NRXN3: variants seen among roughly 807,000 people sequenced by gnomAD.
NRXN3 encodes neurexin 3, also known as neurexin III.
A neutral mutation model predicts 137.6 loss-of-function variants in NRXN3; 32 were observed. The observed-to-expected ratio is 0.23, with a 90% confidence interval of 0.18 to 0.31. The LOEUF (loss-of-function observed/expected upper bound fraction) is 0.31, where lower values mean the gene tolerates loss of function less well. Among genes scored for constraint, NRXN3 ranks in the 10% least tolerant of loss-of-function variants. NRXN3 has a pLI of 1.00. For synonymous variants in NRXN3, 798 were observed against 784.5 expected, an observed-to-expected ratio of 1.02 and a Z score of -0.29; for missense variants, 1,574 against 2,062.5, an observed-to-expected ratio of 0.76 and a Z score of 4.59.
intron 15 of NRXN3, among the ~76,000 whole-genome samples, chr14:79,056,441 T>C (rs1035873836): frequency 1.4e-4 from 21 of 152,302 alleles, no homozygotes; most frequent in Admixed American, 1.2e-3. Context: ...GCAAGTTCTA[T>C]AGACTGGGTA....
At chr14:78,325,536 T>C (rs1409910093) in intron 4 of NRXN3, among the ~76,000 whole-genome samples, 1 of 152,176 alleles carries the variant, frequency 6.6e-6, no homozygotes, top group African/African-American at 2.4e-5. Context: ...TTGATAGATG[T>C]TATCTATTAT....
intron 15 of NRXN3, among the ~76,000 whole-genome samples, chr14:79,327,069 C>T (rs61580756): frequency 1.3e-5 from 2 of 152,176 alleles, no homozygotes; most frequent in African/African-American, 4.8e-5. Flanking sequence ...TTCCCACCTT[C>T]TTTCCCTCGC....
chr14:78,780,279 C>T (rs565026904), intron 8 of NRXN3, among the ~76,000 whole-genome samples: 1 of 151,902 alleles, frequency 6.6e-6, no homozygotes, highest in Admixed American at 6.6e-5. Flanking sequence ...AATTAGACTT[C>T]ATTTTATATC....
At chr14:78,767,024 C>T (rs2098711300) in intron 8 of NRXN3, among the ~76,000 whole-genome samples, 1 of 152,180 alleles carries the variant, frequency 6.6e-6, no homozygotes. Flanking sequence ...AGGGACTTAG[C>T]TGCTTAAAAC....
chr14:78,954,735 G>C (rs960148635), intron 10 of NRXN3, among the ~76,000 whole-genome samples: 1 of 150,718 alleles, frequency 6.6e-6, no homozygotes, highest in East Asian at 1.9e-4. Context: ...AAAGTTCTGG[G>C]ATTACAGGCG....
intron 9 of NRXN3, 121 bp downstream of exon 9, chr14:78,803,944 T>C: frequency 1.1e-6 from 1 of 916,484 alleles, no homozygotes; most frequent in Non-Finnish European, 1.7e-6. Flanking sequence ...CACCTCTTGT[T>C]TAACAGACCC....
At chr14:78,302,119 G>T (rs754078408) in intron 4 of NRXN3, among the ~76,000 whole-genome samples, 13 of 152,160 alleles carry the variant, frequency 8.5e-5, no homozygotes, top group Non-Finnish European at 2.9e-5. Flanking sequence ...TTTCTGATGC[G>T]TGTGGCACTG....
At chr14:78,914,895 C>T (rs1189246374) in intron 10 of NRXN3, among the ~76,000 whole-genome samples, 1 of 151,854 alleles carries the variant, frequency 6.6e-6, no homozygotes, top group Non-Finnish European at 1.5e-5. Flanking sequence ...ACAAAACAAG[C>T]AAGCAATAAG....
intron 15 of NRXN3, among the ~76,000 whole-genome samples, chr14:79,424,616 A>G (rs1192920653): frequency 6.6e-6 from 1 of 152,206 alleles, no homozygotes; most frequent in East Asian, 1.9e-4. Context: ...CTGGGAGTTG[A>G]ACTCAAGTTT....
chr14:79,362,643 T>TAC lies in NRXN3; in HGVS notation c.3263-104574_3263-104573dup, dbSNP rs545528583. Among the ~76,000 whole-genome samples the TAC allele has an allele frequency of 4.5e-3, 688 of 152,300 alleles. 2 individuals carry two copies. The highest frequency in any genetic ancestry group is 7.8e-3 in the Non-Finnish European group (532 of 68,026). On this transcript the variant is annotated intron_variant, in intron 15 of 20. Transcript: ENST00000335750. ...AAACATGATTCTTAGAAATGATCTT[T>TAC]ACACAATTGTAAAACAAAGGGAAGA... is the stretch of plus-strand genomic sequence containing the variant.
At chr14:79,132,411 G>A (rs2057662699) in intron 15 of NRXN3, among the ~76,000 whole-genome samples, 1 of 152,084 alleles carries the variant, frequency 6.6e-6, no homozygotes, top group Admixed American at 6.6e-5. Flanking sequence ...ACTTCATATG[G>A]GAAATAGGAT....
At chr14:79,214,140 T>G (rs2068119083) in intron 15 of NRXN3, among the ~76,000 whole-genome samples, 1 of 152,244 alleles carries the variant, frequency 6.6e-6, no homozygotes, top group Non-Finnish European at 1.5e-5. Flanking sequence ...GTCTTTCTGA[T>G]TATGAAAGTA....
chr14:78,761,471 A>G (rs1319991565), intron 8 of NRXN3, among the ~76,000 whole-genome samples: 2 of 152,118 alleles, frequency 1.3e-5, no homozygotes, highest in Non-Finnish European at 2.9e-5. Flanking sequence ...CAGTAAATCA[A>G]TCCTTCTAAG....
chr14:79,580,536 G>A (rs2097705542), intron 16 of NRXN3, among the ~76,000 whole-genome samples: 2 of 151,708 alleles, frequency 1.3e-5, no homozygotes, highest in African/African-American at 4.8e-5. Context: ...AGGAAGGGCT[G>A]GGACTGCCCA....
intron 4 of NRXN3, among the ~76,000 whole-genome samples, chr14:78,558,600 G>A (rs1462716484): frequency 2.0e-5 from 3 of 152,076 alleles, no homozygotes; most frequent in African/African-American, 7.2e-5. Flanking sequence ...CATCTTTTCT[G>A]TTTTTATCCC....
At chr14:78,634,193 C>T (rs553199975) in intron 4 of NRXN3, among the ~76,000 whole-genome samples, 4 of 152,326 alleles carry the variant, frequency 2.6e-5, no homozygotes, top group Middle Eastern at 6.8e-3. Flanking sequence ...CAGCTTCCAG[C>T]AACATTTCCT....
intron 10 of NRXN3, among the ~76,000 whole-genome samples, chr14:78,842,382 C>G (rs2099015067): frequency 6.6e-6 from 1 of 151,964 alleles, no homozygotes; most frequent in African/African-American, 2.4e-5. Context: ...AGCCACAAAA[C>G]CAGCAAGTTT....
intron 15 of NRXN3, among the ~76,000 whole-genome samples, chr14:79,167,001 T>C (rs1217942805): frequency 6.6e-6 from 1 of 152,014 alleles, no homozygotes; most frequent in Non-Finnish European, 1.5e-5. Flanking sequence ...GTGTTATCCC[T>C]GGTATATCCT....
intron 15 of NRXN3, among the ~76,000 whole-genome samples, chr14:79,104,511 C>A (rs1472045465): frequency 6.6e-6 from 1 of 152,124 alleles, no homozygotes; most frequent in Non-Finnish European, 1.5e-5. Flanking sequence ...TTTCTAACTT[C>A]TTGACCTCTA....
Sources: allele counts gnomAD v4.1 joint callset (sites outside exome capture counted in the v4.1 genomes callset), GRCh38; gene constraint gnomAD v4.1.1; transcripts MANE v1.5; gene names NCBI Gene and HGNC (gene_info 2026-07-23, HGNC 2026-07-21).